The following ABTB3 variants were observed in gnomAD, a reference collection of about 807,000 sequenced individuals.
ABTB3 encodes the protein ankyrin repeat and BTB domain containing 3, also known as ankyrin repeat- and BTB/POZ domain-containing protein 3.
At chr12:107,522,999 T>C in the ABTB3 span, among the ~76,000 whole-genome samples, 1 of 152,178 alleles carries the variant, frequency 6.6e-6, no homozygotes, top group Non-Finnish European at 1.5e-5. Flanking sequence ...TATGATCCAA[T>C]TGATTATCAA....
chr12:107,546,806 A>T, the ABTB3 span, among the ~76,000 whole-genome samples: 1 of 152,240 alleles, frequency 6.6e-6, no homozygotes, highest in East Asian at 1.9e-4. Flanking sequence ...CGGAGGTAGC[A>T]GTGAGCCAAG....
At chr12:107,615,772 G>T in the ABTB3 span, among the ~76,000 whole-genome samples, 1 of 152,338 alleles carries the variant, frequency 6.6e-6, no homozygotes, top group African/African-American at 2.4e-5. Context: ...TTTTCTGGCT[G>T]TTGTAGAGTT....
the ABTB3 span, among the ~76,000 whole-genome samples, chr12:107,374,072 C>G: frequency 6.6e-6 from 1 of 152,136 alleles, no homozygotes; most frequent in Non-Finnish European, 1.5e-5. Flanking sequence ...CTGGAATCAT[C>G]AGCCCCGTTA....
chr12:107,390,651 G>C, the ABTB3 span, among the ~76,000 whole-genome samples: 1 of 152,228 alleles, frequency 6.6e-6, no homozygotes, highest in Non-Finnish European at 1.5e-5. Flanking sequence ...ATACTGGTTA[G>C]TGCTGACATG....
chr12:107,546,320 G>A, the ABTB3 span, among the ~76,000 whole-genome samples: 2 of 152,062 alleles, frequency 1.3e-5, no homozygotes, highest in Non-Finnish European at 2.9e-5. Flanking sequence ...CAAAACTAAA[G>A]CCATCATCTC....
the ABTB3 span, among the ~76,000 whole-genome samples, chr12:107,493,503 C>T: frequency 5.9e-5 from 9 of 152,122 alleles, no homozygotes; most frequent in East Asian, 1.9e-4. Flanking sequence ...CCCTCTTTCA[C>T]GGGAAAGAAA....
the ABTB3 span, among the ~76,000 whole-genome samples, chr12:107,467,371 C>A: frequency 6.6e-6 from 1 of 152,132 alleles, no homozygotes; most frequent in African/African-American, 2.4e-5. Context: ...GGCCAGTGAT[C>A]CCAGCAGGCA....
At chr12:107,573,137 C>T in the ABTB3 span, among the ~76,000 whole-genome samples, 1 of 152,104 alleles carries the variant, frequency 6.6e-6, no homozygotes, top group African/African-American at 2.4e-5. Flanking sequence ...ATCCATGAGG[C>T]CTCTGTTTCA....
the ABTB3 span, among the ~76,000 whole-genome samples, chr12:107,644,890 T>C: frequency 2.0e-5 from 3 of 151,452 alleles, no homozygotes; most frequent in Non-Finnish European, 4.4e-5. Flanking sequence ...TCCAGCTCCA[T>C]CCATGTTGCC....
the ABTB3 span, among the ~76,000 whole-genome samples, chr12:107,535,831 C>T: frequency 1.3e-5 from 2 of 151,970 alleles, no homozygotes; most frequent in Non-Finnish European, 2.9e-5. Flanking sequence ...CCATCCTACC[C>T]AAGAAATCTA....
At chr12:107,449,683 C>G in the ABTB3 span, among the ~76,000 whole-genome samples, 1 of 152,090 alleles carries the variant, frequency 6.6e-6, no homozygotes, top group East Asian at 1.9e-4. Flanking sequence ...TGGGGTCTCA[C>G]TGTTTGGTTC....
At chr12:107,446,613 C>T in the ABTB3 span, among the ~76,000 whole-genome samples, 3 of 152,220 alleles carry the variant, frequency 2.0e-5, no homozygotes, top group Non-Finnish European at 4.4e-5. Flanking sequence ...TTGGATATGT[C>T]CTGGGGTCAG....
At chr12:107,475,569 G>T in the ABTB3 span, among the ~76,000 whole-genome samples, 4 of 152,132 alleles carry the variant, frequency 2.6e-5, no homozygotes, top group African/African-American at 9.7e-5. Flanking sequence ...ATCTGACCCA[G>T]ATCCTTTGTG....
the ABTB3 span, among the ~76,000 whole-genome samples, chr12:107,352,317 C>T: frequency 3.3e-4 from 50 of 152,150 alleles, no homozygotes; most frequent in African/African-American, 9.9e-4. Context: ...AGGGAGGGCA[C>T]GCATGGAGCA....
the ABTB3 span, among the ~76,000 whole-genome samples, chr12:107,647,492 G>A: frequency 6.6e-6 from 1 of 152,156 alleles, no homozygotes; most frequent in Non-Finnish European, 1.5e-5. Flanking sequence ...GTGACAGAAT[G>A]AGACCCTGTC....
chr12:107,325,158 T>C, the ABTB3 span, among the ~76,000 whole-genome samples: 7 of 152,194 alleles, frequency 4.6e-5, no homozygotes, highest in Non-Finnish European at 5.9e-5. Flanking sequence ...ATTTCAGGGA[T>C]CCCCAATCAC....
At chr12:107,554,886 T>G in the ABTB3 span, among the ~76,000 whole-genome samples, 1 of 152,252 alleles carries the variant, frequency 6.6e-6, no homozygotes, top group Non-Finnish European at 1.5e-5. Flanking sequence ...AATCAGCTTT[T>G]GTAGTGACTT....
chr12:107,392,448 C>A, the ABTB3 span, among the ~76,000 whole-genome samples: 2 of 152,304 alleles, frequency 1.3e-5, no homozygotes, highest in Non-Finnish European at 1.5e-5. Context: ...CTCTCCCTCC[C>A]TGCCTCTGCT....
chr12:107,338,864 G>A, the ABTB3 span, among the ~76,000 whole-genome samples: 1 of 152,122 alleles, frequency 6.6e-6, no homozygotes, highest in East Asian at 1.9e-4. Flanking sequence ...TGTCCAGGCT[G>A]GAGTGCAGTG....
Sources: gnomAD v4.1 joint callset for allele counts (sites outside exome capture counted in the v4.1 genomes callset) on GRCh38, gnomAD v4.1.1 for gene constraint, MANE v1.5 for transcripts, NCBI Gene and HGNC (gene_info 2026-07-23, HGNC 2026-07-21) for gene names.